Variants in ACSL1 observed in about 807,000 individuals in gnomAD.
The protein encoded by ACSL1 is acyl-CoA synthetase long chain family member 1, also known as long-chain-fatty-acid--CoA ligase 1.
ACSL1 carries 41 observed loss-of-function variants against 98.4 expected under a neutral mutation model. That is an observed-to-expected ratio of 0.42 (90% CI 0.32 to 0.54). The LOEUF is 0.54. ACSL1 is among the 20% of genes least tolerant of loss of function. The pLI is 0.13. For missense variants in ACSL1, 734 were observed against 883.1 expected, an observed-to-expected ratio of 0.83 and a Z score of 2.14; for synonymous variants, 316 against 322.7, an observed-to-expected ratio of 0.98 and a Z score of 0.22.
intron 2 of ACSL1, among the ~76,000 whole-genome samples, chr4:184,799,799 T>A (rs1462640251): frequency 6.6e-6 from 1 of 152,058 alleles, no homozygotes; most frequent in Admixed American, 6.6e-5. Flanking sequence ...TAGTGAGCTA[T>A]GACCACACCA....
chr4:184,774,191 T>C (rs1019811278), intron 7 of ACSL1, among the ~76,000 whole-genome samples: 3 of 152,090 alleles, frequency 2.0e-5, no homozygotes, highest in African/African-American at 7.2e-5. Flanking sequence ...GCATTTCTGG[T>C]CCCCACTTCC....
At chr4:184,759,221 G>A (rs1403777107) in intron 18 of ACSL1, among the ~76,000 whole-genome samples, 2 of 152,154 alleles carry the variant, frequency 1.3e-5, no homozygotes, top group Admixed American at 1.3e-4. Flanking sequence ...GTGTGCATGT[G>A]TCTTTAATAG....
At chr4:184,823,756 A>G (rs1012759645) in intron 1 of ACSL1, among the ~76,000 whole-genome samples, 4 of 152,244 alleles carry the variant, frequency 2.6e-5, no homozygotes, top group Non-Finnish European at 5.9e-5. Context: ...CTAAATGTCA[A>G]TGCATAAGAA....
At chr4:184,804,319 C>A (rs1342623885) in intron 1 of ACSL1, among the ~76,000 whole-genome samples, 1 of 152,142 alleles carries the variant, frequency 6.6e-6, no homozygotes, top group Non-Finnish European at 1.5e-5. Context: ...GTGGCTCATG[C>A]CTGTAATCCC....
intron 12 of ACSL1, chr4:184,768,110 T>A (rs1483204074): frequency 1.9e-6 from 1 of 522,194 alleles, no homozygotes; most frequent in Non-Finnish European, 3.3e-6. Flanking sequence ...TTACAAAGTG[T>A]GTTCATGCAT....
rs1371831419 is a variant in ACSL1 at position 184,783,996 on chromosome 4, A to G, written c.311-5T>C. The G allele has an allele frequency of 6.2e-7, 1 of 1,611,456 alleles. No individual in the cohort carries two copies. Among genetic ancestry groups the G allele is most frequent in the Admixed American group, 1.7e-5 (1 of 59,634 alleles). Reference sequence around the variant, plus strand: ...AGCCTAAACAAGGGCCATTATCTAAAAAAAGAGAAAAAACAACAGATGGGC... The same window carrying G: ...AGCCTAAACAAGGGCCATTATCTAAGAAAAGAGAAAAAACAACAGATGGGC... On this transcript the variant is annotated splice_region_variant and splice_polypyrimidine_tract_variant and intron_variant, in intron 3 of 20. Coordinates refer to ENST00000281455, the MANE Select transcript of ACSL1 (RefSeq NM_001995.5).
chr4:184,770,669 C>T (rs559807991), intron 10 of ACSL1, among the ~76,000 whole-genome samples, 193 bp from the exon 11 acceptor site: 11 of 152,048 alleles, frequency 7.2e-5, no homozygotes, highest in South Asian at 4.1e-4. Flanking sequence ...AACACACCTG[C>T]ACGTTGTGCA....
chr4:184,773,920 AC>A lies in ACSL1; in HGVS notation c.757-46del, dbSNP rs761174521. On this transcript the variant is annotated intron_variant, in intron 7 of 20. Transcript: ENST00000281455. This position sits in a 1 kb window ranked among gnomAD's most constrained non-coding sequence, Gnocchi z 4.3. ...AAGTCTTAAATGGAAACGTTTTCTA[AC>A]TGTAAAGGATAAGGTCACATCGAGT... 57 of 1,608,854 alleles carry A rather than the reference AC, an allele frequency of 3.5e-5. No individual in the cohort carries two copies. The highest frequency in any genetic ancestry group is 4.4e-5 in the Non-Finnish European group (52 of 1,176,286).
intron 2 of ACSL1, among the ~76,000 whole-genome samples, chr4:184,792,445 T>C (rs1768551461): frequency 6.6e-6 from 1 of 152,120 alleles, no homozygotes; most frequent in South Asian, 2.1e-4. Context: ...TGAATTATTT[T>C]TTTTTCCCGA....
intron 2 of ACSL1, among the ~76,000 whole-genome samples, chr4:184,789,757 A>G (rs1405743705): frequency 1.3e-5 from 2 of 152,214 alleles, no homozygotes; most frequent in African/African-American, 4.8e-5. Flanking sequence ...CAGGTCTCCA[A>G]TGTGAGCTGC....
chr4:184,764,203 C>T (rs62338195), intron 15 of ACSL1, among the ~76,000 whole-genome samples: 4,395 of 152,276 alleles, frequency 0.029, 91 homozygotes, highest in Non-Finnish European at 0.039. Flanking sequence ...CATAATGCCG[C>T]GTAAATTCTC....
chr4:184,760,299 G>A, intron 18 of ACSL1, 58 bp downstream of exon 18: 3 of 1,584,960 alleles, frequency 1.9e-6, no homozygotes, highest in Middle Eastern at 1.7e-4. Context: ...AAAGCCCCTG[G>A]AGTACCAGGC....
Position 184,789,944 on chromosome 4 carries a change from T to G in ACSL1, c.196-1213A>C, listed in dbSNP as rs145375757. Among the ~76,000 whole-genome samples the G allele has an allele frequency of 1.6e-3, 244 of 151,400 alleles. 2 individuals are homozygous for G. The highest frequency in any genetic ancestry group is 5.1e-3 in the African/African-American group (210 of 41,246). ...ACTTTTACAACAGTCTGGAAACCCT[T>G]GGAGAAATTAGACTGTGATATGATA... On this transcript the variant is annotated intron_variant, in intron 2 of 20. Coordinates refer to ENST00000281455, the MANE Select transcript of ACSL1 (RefSeq NM_001995.5).
chr4:184,777,276 C>T (rs1183048967), intron 5 of ACSL1, among the ~76,000 whole-genome samples: 1 of 152,164 alleles, frequency 6.6e-6, no homozygotes, highest in Non-Finnish European at 1.5e-5. Context: ...CAAGACCAGC[C>T]TGGGAAACAT....
rs1433358100 is a variant in ACSL1, at chr4:184,756,126, G to A, written c.*999C>T. On this transcript the variant is annotated 3_prime_UTR_variant, in exon 21 of 21. Transcript: ENST00000281455. ...ACTCCCTTAATAGCTTTAAAGAAAT[G>A]CTTGCCTGAGAGTTTATTTTTTGGG... The A allele has an allele frequency of 6.6e-6, 1 of 152,328 alleles. No homozygotes were observed. Among genetic ancestry groups the A allele is most frequent in the Non-Finnish European group, 1.5e-5 (1 of 68,036 alleles). The allele number at this position is 152,328 out of a possible 1,614,324, so 9.4% of individuals were successfully genotyped here. A position where few individuals can be genotyped will look rare whatever the true frequency, so the allele number is the denominator to read the frequency against.
At chr4:184,816,059 G>A (rs140935210) in intron 1 of ACSL1, among the ~76,000 whole-genome samples, 3 of 151,982 alleles carry the variant, frequency 2.0e-5, no homozygotes, top group East Asian at 1.9e-4. Flanking sequence ...GGGGCGCAGC[G>A]GCAGTGAGCC....
At chr4:184,760,211 C>A in intron 18 of ACSL1, 146 bp downstream of exon 18, 1 of 937,362 alleles carries the variant, frequency 1.1e-6, no homozygotes, top group Admixed American at 2.5e-5. Flanking sequence ...CAACAAAAAT[C>A]AGTAACAGGT....
chr4:184,763,249 A>G lies in ACSL1; in HGVS notation c.1439T>C (p.Val480Ala), dbSNP rs752627811. ...TMPGDWTAGHVGAPMPCNLIK... is the reference protein window; with the variant it reads ...TMPGDWTAGHAGAPMPCNLIK... The stretch of plus-strand genomic sequence containing the variant: ...CAAATTGCACGGCATCGGGGCCCCA[A>G]CATGGCCTGTATATTAAATAAGCAA... Residue 480 changes from valine to alanine, a missense_variant, in exon 16 of 21, where the codon GTT (valine) becomes GCT (alanine). Coordinates refer to ENST00000281455, the MANE Select transcript of ACSL1 (RefSeq NM_001995.5). 2 of 1,613,992 alleles carry G rather than the reference A, an allele frequency of 1.2e-6. No homozygotes were observed. Among genetic ancestry groups the G allele is most frequent in the South Asian group, 1.1e-5 (1 of 91,052 alleles).
Position 184,766,827 on chromosome 4 carries a change from C to T in ACSL1, c.1129-71G>A. On this transcript the variant is annotated intron_variant, in intron 12 of 20. Coordinates refer to ENST00000281455, the MANE Select transcript of ACSL1 (RefSeq NM_001995.5). The surrounding 1 kb of genome is among the most constrained non-coding windows in gnomAD (Gnocchi z 4.8). ...CCAGAGTCAAAGAGTGTGGAGAAATCAGAACCCTCACACACAGCTGGGGAA... is the reference window on the plus strand; with the variant it reads ...CCAGAGTCAAAGAGTGTGGAGAAATTAGAACCCTCACACACAGCTGGGGAA... 4 of 1,508,842 alleles carry T rather than the reference C, an allele frequency of 2.7e-6. No homozygotes were observed. The highest frequency in any genetic ancestry group is 3.6e-6 in the Non-Finnish European group (4 of 1,109,538). 93.5% of individuals were successfully genotyped at this position (1,508,842 alleles called of 1,614,324 possible). A position where few individuals can be genotyped will look rare whatever the true frequency, so the allele number is the denominator to read the frequency against.
Sources: allele counts gnomAD v4.1 joint callset (sites outside exome capture counted in the v4.1 genomes callset), GRCh38; gene constraint gnomAD v4.1.1; non-coding constraint Gnocchi (gnomAD v3.1); transcripts MANE v1.5; gene names NCBI Gene and HGNC (gene_info 2026-07-23, HGNC 2026-07-21).